Variants in KCNQ5 observed in about 807,000 individuals in gnomAD.
The protein encoded by KCNQ5 is potassium voltage-gated channel subfamily KQT member 5.
In KCNQ5, 30 loss-of-function variants were observed where a neutral mutation model predicts 98.2. The ratio of observed to expected loss-of-function variants is 0.31; its 90% confidence interval spans 0.23 to 0.41. The LOEUF (loss-of-function observed/expected upper bound fraction) is 0.41. KCNQ5 is among the 10% of genes least tolerant of loss of function. The pLI, the probability that KCNQ5 is intolerant of heterozygous loss-of-function variation, is 1.00. For synonymous variants in KCNQ5, 458 were observed against 449.4 expected (o/e 1.02, Z -0.24); for missense variants, 835 against 1,182.5 (o/e 0.71, Z 4.31).
At chr6:72,898,027 C>A (rs906473483) in intron 1 of KCNQ5, among the ~76,000 whole-genome samples, 1 of 152,130 alleles carries the variant, frequency 6.6e-6, no homozygotes, top group African/African-American at 2.4e-5. Context: ...AGATGTAGAA[C>A]TTCAAGTACT....
intron 1 of KCNQ5, among the ~76,000 whole-genome samples, chr6:72,852,147 G>A (rs1033300036): frequency 6.6e-6 from 1 of 152,074 alleles, no homozygotes; most frequent in Non-Finnish European, 1.5e-5. Flanking sequence ...AACAATTTAA[G>A]TATGAGTAAA....
chr6:73,088,023 C>CTTTTT (rs35354592), intron 5 of KCNQ5, among the ~76,000 whole-genome samples: 2 of 133,358 alleles, frequency 1.5e-5, no homozygotes, highest in Non-Finnish European at 3.1e-5. Context: ...CTCTCTCTCT[C>CTTTTT]TTTTTTTTTT....
At chr6:73,049,768 C>A (rs1316112004) in intron 3 of KCNQ5, among the ~76,000 whole-genome samples, 1 of 152,110 alleles carries the variant, frequency 6.6e-6, no homozygotes, top group South Asian at 2.1e-4. Context: ...CAAAGAACTT[C>A]TTATTTTCCT....
At chr6:73,104,039 T>TA (rs971045452) in intron 5 of KCNQ5, among the ~76,000 whole-genome samples, 7 of 151,712 alleles carry the variant, frequency 4.6e-5, no homozygotes, top group African/African-American at 9.7e-5. Context: ...TAGTTTGATT[T>TA]AAAAAAAACA....
At chr6:73,182,113 G>A (rs143263627) in intron 11 of KCNQ5, among the ~76,000 whole-genome samples, 2 of 152,120 alleles carry the variant, frequency 1.3e-5, no homozygotes, top group South Asian at 2.1e-4. Flanking sequence ...TTGGCTTCAG[G>A]GCATTTTCTC....
chr6:72,872,484 G>A (rs1778250552), intron 1 of KCNQ5, among the ~76,000 whole-genome samples: 1 of 152,154 alleles, frequency 6.6e-6, no homozygotes, highest in African/African-American at 2.4e-5. Flanking sequence ...GCTGGTACTT[G>A]CTGAATAATT....
chr6:72,784,880 G>C (rs576501543), intron 1 of KCNQ5, among the ~76,000 whole-genome samples: 1 of 152,332 alleles, frequency 6.6e-6, no homozygotes, highest in South Asian at 2.1e-4. Context: ...CCCCAGAAGA[G>C]AGAAAGTGAT....
chr6:72,629,394 T>C (rs1199905790), intron 1 of KCNQ5, among the ~76,000 whole-genome samples: 1 of 124,798 alleles, frequency 8.0e-6, no homozygotes, highest in Non-Finnish European at 1.9e-5. Context: ...TGTTTCATAC[T>C]CTTCTAATCA....
intron 1 of KCNQ5, among the ~76,000 whole-genome samples, chr6:72,715,512 G>A (rs953039099): frequency 6.6e-6 from 1 of 152,152 alleles, no homozygotes; most frequent in African/African-American, 2.4e-5. Context: ...AGATCACGAA[G>A]CACAGGGTGA....
intron 1 of KCNQ5, among the ~76,000 whole-genome samples, chr6:72,675,054 G>A (rs2154473518): frequency 6.6e-6 from 1 of 152,304 alleles, no homozygotes; most frequent in South Asian, 2.1e-4. Context: ...GTAAGGCACT[G>A]TAGTTCAGTC....
chr6:72,899,445 C>G (rs967764544), intron 1 of KCNQ5, among the ~76,000 whole-genome samples: 1 of 152,084 alleles, frequency 6.6e-6, no homozygotes, highest in African/African-American at 2.4e-5. Flanking sequence ...TGGGGTCAAA[C>G]AATATGAGTA....
intron 5 of KCNQ5, among the ~76,000 whole-genome samples, chr6:73,098,529 A>G (rs1774620256): frequency 6.6e-6 from 1 of 152,212 alleles, no homozygotes; most frequent in Non-Finnish European, 1.5e-5. Context: ...ATAACGTGCA[A>G]TGGAGCTCCA....
At chr6:73,031,348 A>G (rs16883209) in intron 2 of KCNQ5, among the ~76,000 whole-genome samples, 11,845 of 152,286 alleles carry the variant, frequency 0.078, 523 homozygotes, top group East Asian at 0.21. Flanking sequence ...TCACCCTCTC[A>G]TTGCAATTAG....
intron 1 of KCNQ5, among the ~76,000 whole-genome samples, chr6:72,715,206 T>C (rs1306693312): frequency 6.6e-6 from 1 of 152,200 alleles, no homozygotes; most frequent in Admixed American, 6.5e-5. Flanking sequence ...CCTGGCCAAT[T>C]TCAGGCAAGT....
chr6:72,752,717 T>G lies in KCNQ5; in HGVS notation c.398+130130T>G, dbSNP rs73753897. 3.2e-3 allele frequency among the ~76,000 whole-genome samples: 486 copies of G among 152,268 alleles called. 2 individuals are homozygous for G. Among genetic ancestry groups the G allele is most frequent in the African/African-American group, 0.011 (461 of 41,574 alleles). On this transcript the variant is annotated intron_variant, in intron 1 of 13. Transcript: ENST00000370398. ...CTAACAAACGAGAACAGCCAATCCA[T>G]GTAAAATAGGGGACTAGACTAAGTT...
At chr6:72,685,980 G>T (rs532097611) in intron 1 of KCNQ5, among the ~76,000 whole-genome samples, 4 of 152,170 alleles carry the variant, frequency 2.6e-5, no homozygotes, top group Admixed American at 2.6e-4. Context: ...CCACCTAGCC[G>T]CGTGATCATG....
At chr6:73,158,127 A>G (rs1159621371) in intron 10 of KCNQ5, 2 of 408,242 alleles carry the variant, frequency 4.9e-6, no homozygotes, top group Non-Finnish European at 9.3e-6. Context: ...CCCTCCCGCT[A>G]CAGGTTGCTC....
chr6:73,032,751 T>A (rs768441968), intron 2 of KCNQ5, among the ~76,000 whole-genome samples: 1 of 152,090 alleles, frequency 6.6e-6, no homozygotes, highest in Non-Finnish European at 1.5e-5. Context: ...CATACATGAA[T>A]CATTTGGGCA....
chr6:73,187,171 T>C (rs1379644417), intron 11 of KCNQ5, among the ~76,000 whole-genome samples: 2 of 151,882 alleles, frequency 1.3e-5, no homozygotes, highest in Non-Finnish European at 2.9e-5. Flanking sequence ...GCCATTCTCC[T>C]GCCTCAGCCT....
Sources: gnomAD v4.1 joint callset for allele counts (sites outside exome capture counted in the v4.1 genomes callset) on GRCh38, gnomAD v4.1.1 for gene constraint, MANE v1.5 for transcripts, NCBI Gene and HGNC (gene_info 2026-07-23, HGNC 2026-07-21) for gene names.